Variants in SETD3 observed in about 807,000 individuals in gnomAD.
SETD3 encodes the protein SET domain containing 3, actin N3(tau)-histidine methyltransferase.
In SETD3, 19 loss-of-function variants were observed where a neutral mutation model predicts 63.0. The observed-to-expected ratio is 0.30, with a 90% CI of 0.21 to 0.44. The LOEUF (loss-of-function observed/expected upper bound fraction) is 0.44. Ranked by LOEUF, SETD3 falls within the 20% of genes least tolerant of loss-of-function variation. The pLI, the probability that SETD3 is intolerant of heterozygous loss-of-function variation, is 1.00. For missense variants in SETD3, 587 were observed against 728.5 expected, an observed-to-expected ratio of 0.81 and a Z score of 2.24; for synonymous variants, 286 against 264.1, an observed-to-expected ratio of 1.08 and a Z score of -0.80.
chr14:99,471,738 A>G (rs1033935320), intron 1 of SETD3, among the ~76,000 whole-genome samples: 34 of 152,380 alleles, frequency 2.2e-4, no homozygotes, highest in African/African-American at 8.2e-4. Context: ...AGACTCTGAA[A>G]AACACACTGG....
chr14:99,400,032 C>A, intron 12 of SETD3, 67 bp downstream of exon 12: 1 of 1,433,298 alleles, frequency 7.0e-7, no homozygotes, highest in Non-Finnish European at 9.5e-7. Flanking sequence ...TGAGCCACCG[C>A]ACCAAGCCTC....
At chr14:99,414,030 T>A in intron 6 of SETD3, 96 bp from the exon 7 acceptor site, 2 of 1,167,594 alleles carry the variant, frequency 1.7e-6, no homozygotes, top group Non-Finnish European at 2.6e-6. Flanking sequence ...GCCTAACAGA[T>A]CCTAACAAGA....
intron 1 of SETD3, among the ~76,000 whole-genome samples, chr14:99,467,688 T>C (rs1438339297): frequency 6.6e-6 from 1 of 152,236 alleles, no homozygotes; most frequent in African/African-American, 2.4e-5. Context: ...AAAGACCTTC[T>C]GCTGTGGGAG....
chr14:99,454,267 G>T (rs534446922), intron 6 of SETD3, among the ~76,000 whole-genome samples: 11 of 151,964 alleles, frequency 7.2e-5, no homozygotes, highest in Admixed American at 6.6e-4. Context: ...ATAGATCACT[G>T]CAGCCTTGAC....
At chr14:99,432,223 G>A (rs1023619664) in intron 6 of SETD3, among the ~76,000 whole-genome samples, 1 of 152,044 alleles carries the variant, frequency 6.6e-6, no homozygotes, top group Non-Finnish European at 1.5e-5. Flanking sequence ...AGTTAATCAC[G>A]GCACTGAGTG....
intron 1 of SETD3, among the ~76,000 whole-genome samples, chr14:99,470,939 T>C (rs1238482685): frequency 6.6e-6 from 1 of 152,204 alleles, no homozygotes; most frequent in Non-Finnish European, 1.5e-5. Flanking sequence ...TGTCATTCCC[T>C]GACATACACA....
At position 99,412,945 on chromosome 14, in the gene SETD3, C is replaced by A. The variant is rs775308027; in HGVS notation, c.849+6G>T. The A allele has an allele frequency of 1.9e-6, 3 of 1,586,790 alleles. No homozygotes were observed. Among genetic ancestry groups the A allele is most frequent in the African/African-American group, 1.3e-5 (1 of 74,530 alleles). ...TTCAACACAACACAGGGGAAGAGGT[C>A]GTTACCAGGCCGTTGGTGTGGTTAC... On this transcript the variant is annotated splice_donor_region_variant and intron_variant, in intron 8 of 12. Transcript: ENST00000331768.
chr14:99,425,403 C>A (rs1398522347), intron 6 of SETD3, among the ~76,000 whole-genome samples: 1 of 152,234 alleles, frequency 6.6e-6, no homozygotes, highest in Non-Finnish European at 1.5e-5. Flanking sequence ...TGTGGCCCAG[C>A]AGAGCCAAGT....
intron 6 of SETD3, among the ~76,000 whole-genome samples, chr14:99,440,335 A>C (rs982707275): frequency 6.6e-6 from 1 of 152,220 alleles, no homozygotes; most frequent in African/African-American, 2.4e-5. Context: ...AAGCTCAGGG[A>C]CTAAACAACA....
chr14:99,406,446 A>AAC (rs1891685913), intron 9 of SETD3, 70 bp downstream of exon 9: 17 of 1,386,496 alleles, frequency 1.2e-5, no homozygotes, highest in Middle Eastern at 1.8e-4. Context: ...CCTTTTTAAG[A>AAC]TTACCAACAC....
chr14:99,406,687 G>A, intron 8 of SETD3, 97 bp from the exon 9 acceptor site: 1 of 1,211,924 alleles, frequency 8.3e-7, no homozygotes, highest in East Asian at 2.4e-5. Context: ...GGAAAAAGGG[G>A]ATCCCAAGGT....
intron 8 of SETD3, chr14:99,410,347 T>C (rs1891919151): frequency 1.6e-6 from 2 of 1,262,596 alleles, no homozygotes; most frequent in Non-Finnish European, 2.2e-6. Flanking sequence ...CATCTAAATA[T>C]AAATGTTTTA....
At chr14:99,470,496 T>A (rs2139808709) in intron 1 of SETD3, among the ~76,000 whole-genome samples, 1 of 152,220 alleles carries the variant, frequency 6.6e-6, no homozygotes, top group East Asian at 1.9e-4. Flanking sequence ...AGTAAATGTA[T>A]CTCCCTAGGG....
At chr14:99,447,765 A>G (rs756937767) in intron 6 of SETD3, among the ~76,000 whole-genome samples, 14 of 152,258 alleles carry the variant, frequency 9.2e-5, no homozygotes, top group South Asian at 6.2e-4. Flanking sequence ...AAAAAAATAG[A>G]GCACAACCAG....
At chr14:99,453,203 G>C (rs186289305) in intron 6 of SETD3, among the ~76,000 whole-genome samples, 3 of 152,242 alleles carry the variant, frequency 2.0e-5, no homozygotes, top group African/African-American at 4.8e-5. Flanking sequence ...AAAAGCATGG[G>C]AAAGATACAT....
At chr14:99,412,750 G>A in intron 8 of SETD3, 1 of 530,028 alleles carries the variant, frequency 1.9e-6, no homozygotes, top group Non-Finnish European at 3.4e-6. Flanking sequence ...CCAGTTTTCA[G>A]TATTAGTCAA....
At chr14:99,481,550 C>T, upstream of SETD3, 1 of 398,398 alleles carries the variant, frequency 2.5e-6, no homozygotes, top group Non-Finnish European at 4.4e-6. Context: ...TAGGTTATGG[C>T]CAACCGCCGC....
At chr14:99,470,804 C>T (rs1323412908) in intron 1 of SETD3, among the ~76,000 whole-genome samples, 1 of 152,218 alleles carries the variant, frequency 6.6e-6, no homozygotes. Flanking sequence ...TCTGGGACAC[C>T]CCTAACTCAA....
chr14:99,410,504 G>T (rs1346610079), intron 8 of SETD3, among the ~76,000 whole-genome samples: 2 of 152,096 alleles, frequency 1.3e-5, no homozygotes, highest in Non-Finnish European at 2.9e-5. Flanking sequence ...TCTCTGTATG[G>T]GAACTAATAC....
Sources: allele counts gnomAD v4.1 joint callset (sites outside exome capture counted in the v4.1 genomes callset), GRCh38; gene constraint gnomAD v4.1.1; transcripts MANE v1.5; gene names NCBI Gene and HGNC (gene_info 2026-07-23, HGNC 2026-07-21).